ZBTB37: variants seen among roughly 807,000 people sequenced by gnomAD.
ZBTB37 encodes the protein zinc finger and BTB domain containing 37.
A neutral mutation model predicts 37.7 loss-of-function variants in ZBTB37; 15 were observed. The observed-to-expected ratio is 0.40, with a 90% CI of 0.27 to 0.61. The LOEUF (loss-of-function observed/expected upper bound fraction) is 0.61, where lower values mean the gene tolerates loss of function less well. ZBTB37 is among the 20% of genes least tolerant of loss of function. The pLI, the probability that ZBTB37 is intolerant of heterozygous loss-of-function variation, is 0.44. For synonymous variants in ZBTB37, 231 were observed against 220.6 expected (o/e 1.05, Z -0.42); for missense variants, 514 against 641.9 (o/e 0.80, Z 2.15).
exon 4 of ZBTB37, chr1:173,902,061 T>C (rs1162797297): frequency 2.0e-5 from 3 of 152,204 alleles, no homozygotes; most frequent in East Asian, 3.9e-4. Context: ...ATCACATCTT[T>C]GTATAGCTGT....
At chr1:173,903,105 A>C (rs1490031962) in exon 4 of ZBTB37, 2 of 152,156 alleles carry the variant, frequency 1.3e-5, no homozygotes, top group East Asian at 3.8e-4. Flanking sequence ...TGTCATTTCT[A>C]AGTATCAGAT....
chr1:173,895,002 G>A (rs1376596541), exon 4 of ZBTB37: 1 of 152,150 alleles, frequency 6.6e-6, no homozygotes, highest in Admixed American at 6.5e-5. Flanking sequence ...ATTTTGTACT[G>A]TGTTCCAAGT....
At chr1:173,873,527 T>C (rs745982810) in exon 4 of ZBTB37, 48 of 1,614,028 alleles carry the variant, frequency 3.0e-5, no homozygotes, top group Non-Finnish European at 3.8e-5. Context: ...GAAGTGAGTC[T>C]CCTGGGAGAA....
intron 4 of ZBTB37, among the ~76,000 whole-genome samples, chr1:173,883,926 A>G (rs1409726062): frequency 6.6e-6 from 1 of 152,166 alleles, no homozygotes; most frequent in Non-Finnish European, 1.5e-5. Context: ...AACTAGATGA[A>G]TCTTGCTCCA....
chr1:173,882,628 GTGTTTTAGTCA>G (rs1476067200), intron 4 of ZBTB37, among the ~76,000 whole-genome samples: 1 of 152,082 alleles, frequency 6.6e-6, no homozygotes, highest in African/African-American at 2.4e-5. Context: ...ATTGCTTTTG[GTGTTTTAGTCA>G]TGATGTCCTT....
exon 4 of ZBTB37, chr1:173,901,247 T>G (rs1324532287): frequency 6.6e-6 from 1 of 152,170 alleles, no homozygotes; most frequent in African/African-American, 2.4e-5. Flanking sequence ...ATTCCCAAAC[T>G]ATAGGCAAAA....
At chr1:173,885,724 C>T (rs1054431073) in exon 5 of ZBTB37, 1 of 1,551,710 alleles carries the variant, frequency 6.4e-7, no homozygotes, top group Non-Finnish European at 8.7e-7. Context: ...CGGTACAACC[C>T]TCGTCTCACC....
At chr1:173,874,412 G>A (rs1655787556) in intron 4 of ZBTB37, among the ~76,000 whole-genome samples, 1 of 150,834 alleles carries the variant, frequency 6.6e-6, no homozygotes, top group African/African-American at 2.4e-5. Flanking sequence ...GTGCAGTGGT[G>A]CAATCTCGGC....
At chr1:173,886,271 C>A in exon 5 of ZBTB37, 2 of 1,287,316 alleles carry the variant, frequency 1.6e-6, no homozygotes, top group Non-Finnish European at 2.1e-6. Context: ...GGAGGATCAG[C>A]AACTTACACA....
chr1:173,882,804 C>T (rs1290466857), intron 4 of ZBTB37, among the ~76,000 whole-genome samples: 2 of 152,176 alleles, frequency 1.3e-5, no homozygotes, highest in Non-Finnish European at 2.9e-5. Flanking sequence ...TAAGGCTAGC[C>T]AGTTTTCCCA....
exon 4 of ZBTB37, chr1:173,899,732 A>G (rs1017257140): frequency 6.6e-6 from 1 of 152,226 alleles, no homozygotes; most frequent in Admixed American, 6.5e-5. Flanking sequence ...CCTAGTGGTC[A>G]TGGCAGGATA....
exon 4 of ZBTB37, chr1:173,894,555 G>A (rs1328311756): frequency 2.6e-5 from 4 of 152,180 alleles, no homozygotes; most frequent in East Asian, 3.9e-4. Flanking sequence ...GATTTACTAC[G>A]AGGACAGCTA....
chr1:173,875,634 T>G (rs1655922933), intron 4 of ZBTB37, among the ~76,000 whole-genome samples: 2 of 152,026 alleles, frequency 1.3e-5, no homozygotes, highest in Non-Finnish European at 2.9e-5. Flanking sequence ...GCCTGCATTA[T>G]ATATTTGTAA....
chr1:173,875,047 T>C (rs1438234591), intron 4 of ZBTB37, among the ~76,000 whole-genome samples: 3 of 150,706 alleles, frequency 2.0e-5, no homozygotes, highest in Non-Finnish European at 2.9e-5. Flanking sequence ...TAATAAAAAA[T>C]AATCCCAGAA....
intron 3 of ZBTB37, among the ~76,000 whole-genome samples, chr1:173,872,806 G>A (rs1205130288): frequency 6.9e-6 from 1 of 144,176 alleles, no homozygotes; most frequent in Non-Finnish European, 1.5e-5. Context: ...CCAGGACTTT[G>A]AGACCAGCCT....
intron 4 of ZBTB37, among the ~76,000 whole-genome samples, chr1:173,877,373 C>CTTTTTTTTT (rs58043559): frequency 4.6e-5 from 4 of 87,780 alleles, no homozygotes; most frequent in Non-Finnish European, 9.2e-5. Flanking sequence ...GATTTTCTTT[C>CTTTTTTTTT]TTTTTTTTTT....
exon 4 of ZBTB37, chr1:173,893,321 A>G (rs976860697): frequency 8.5e-5 from 13 of 152,242 alleles, no homozygotes; most frequent in Admixed American, 5.2e-4. Context: ...TTTCATGGGA[A>G]CATGTTTCCT....
chr1:173,903,475 C>A, exon 4 of ZBTB37: 1 of 180,650 alleles, frequency 5.5e-6, no homozygotes, highest in Non-Finnish European at 1.2e-5. Context: ...ATGCATTTTC[C>A]CCTTTATTTT....
At chr1:173,884,889 A>G (rs1656537089) in intron 4 of ZBTB37, among the ~76,000 whole-genome samples, 1 of 152,342 alleles carries the variant, frequency 6.6e-6, no homozygotes, top group African/African-American at 2.4e-5. Flanking sequence ...CTCAATAGCA[A>G]CAGGTGGCTA....
Sources: allele counts gnomAD v4.1 joint callset (sites outside exome capture counted in the v4.1 genomes callset), GRCh38; gene constraint gnomAD v4.1.1; transcripts MANE v1.5; gene names NCBI Gene and HGNC (gene_info 2026-07-23, HGNC 2026-07-21).